The following SP4 variants were observed in gnomAD, a reference collection of about 807,000 sequenced individuals.
SP4 encodes the protein Sp4 transcription factor, also known as transcription factor Sp4.
A neutral mutation model predicts 72.8 loss-of-function variants in SP4; 19 were observed. That is an observed-to-expected ratio of 0.26 (90% CI 0.18 to 0.38). The LOEUF (loss-of-function observed/expected upper bound fraction) is 0.38, where lower values mean the gene tolerates loss of function less well. Ranked by LOEUF, SP4 falls within the 10% of genes least tolerant of loss-of-function variation. The pLI is 1.00. For missense variants in SP4, 1,008 were observed against 926.3 expected (o/e 1.09, Z -1.14); for synonymous variants, 395 against 333.1 (o/e 1.19, Z -2.02).
At chr7:21,488,676 C>T (rs1281606209) in intron 5 of SP4, among the ~76,000 whole-genome samples, 1 of 151,666 alleles carries the variant, frequency 6.6e-6, no homozygotes, top group African/African-American at 2.4e-5. Flanking sequence ...GGGAGAACTG[C>T]TTGTGCTAGG....
intron 5 of SP4, among the ~76,000 whole-genome samples, chr7:21,506,221 G>C (rs75528920): frequency 0.017 from 2,550 of 152,148 alleles, 55 homozygotes; most frequent in East Asian, 0.08. Context: ...GAGTTCTGTA[G>C]CCCTTGGTTG....
chr7:21,466,579 G>A (rs1198969830), intron 3 of SP4, among the ~76,000 whole-genome samples: 1 of 152,074 alleles, frequency 6.6e-6, no homozygotes, highest in Non-Finnish European at 1.5e-5. Context: ...CTCAATATTG[G>A]TTCACAGATT....
At chr7:21,486,932 T>C (rs1784830426) in intron 5 of SP4, among the ~76,000 whole-genome samples, 1 of 152,228 alleles carries the variant, frequency 6.6e-6, no homozygotes, top group Non-Finnish European at 1.5e-5. Flanking sequence ...AATAAAATAC[T>C]AAAGCTTCAC....
At chr7:21,478,786 C>G (rs944401503) in intron 4 of SP4, among the ~76,000 whole-genome samples, 1 of 151,970 alleles carries the variant, frequency 6.6e-6, no homozygotes, top group South Asian at 2.1e-4. Flanking sequence ...ATATTGTCTC[C>G]TGGCTGGGCG....
rs1014681870 is a variant in SP4 at position 21,512,232 on chromosome 7, T to G, written c.*963T>G. On this transcript the variant is annotated 3_prime_UTR_variant, in exon 6 of 6. Transcript: ENST00000222584. ...GTGCAGAATTCTTTATGCTTTGATG[T>G]GGTAGCCAAAGAAAGAATTACACTT... 2.6e-5 allele frequency: 4 copies of G among 152,626 alleles called. No individual in the cohort carries two copies. Among genetic ancestry groups the G allele is most frequent in the African/African-American group, 9.7e-5 (4 of 41,444 alleles). The allele number at this position is 152,626 out of a possible 1,614,324, so 9.5% of individuals were successfully genotyped here. A position where few individuals can be genotyped will look rare whatever the true frequency, so the allele number is the denominator to read the frequency against.
chr7:21,479,253 G>T (rs756179661), intron 4 of SP4, among the ~76,000 whole-genome samples: 15 of 146,042 alleles, frequency 1.0e-4, no homozygotes, highest in Non-Finnish European at 2.1e-4. Flanking sequence ...AAGTCATTAA[G>T]ATTCCTAGTT....
At chr7:21,439,951 C>T (rs376004136) in intron 3 of SP4, among the ~76,000 whole-genome samples, 1 of 152,074 alleles carries the variant, frequency 6.6e-6, no homozygotes, top group East Asian at 1.9e-4. Flanking sequence ...AAGAATCTTT[C>T]GAATAGAAAA....
At chr7:21,495,406 AAC>A (rs1254763667) in intron 5 of SP4, among the ~76,000 whole-genome samples, 2 of 151,930 alleles carry the variant, frequency 1.3e-5, no homozygotes, top group African/African-American at 4.8e-5. Context: ...AAACAAATTT[AAC>A]AGTTTTTTTT....
intron 3 of SP4, among the ~76,000 whole-genome samples, chr7:21,435,187 T>A (rs1028461818): frequency 6.6e-6 from 1 of 152,202 alleles, no homozygotes; most frequent in Non-Finnish European, 1.5e-5. Flanking sequence ...GAATGAATAT[T>A]TCTTTGTCAA....
intron 5 of SP4, among the ~76,000 whole-genome samples, chr7:21,500,928 G>A (rs929210222): frequency 6.6e-6 from 1 of 152,160 alleles, no homozygotes; most frequent in East Asian, 1.9e-4. Context: ...TGCACTTGGA[G>A]ACACAAAGAA....
chr7:21,459,073 T>A (rs573729469), intron 3 of SP4, among the ~76,000 whole-genome samples: 1 of 152,132 alleles, frequency 6.6e-6, no homozygotes, highest in East Asian at 1.9e-4. Context: ...TAGACTGATT[T>A]AAACTTCTAT....
At chr7:21,448,303 G>A (rs900955272) in intron 3 of SP4, among the ~76,000 whole-genome samples, 1 of 152,110 alleles carries the variant, frequency 6.6e-6, no homozygotes, top group Non-Finnish European at 1.5e-5. Flanking sequence ...TAGTACCACT[G>A]GCAAGTACTC....
chr7:21,429,270 A>G lies in SP4; in HGVS notation c.124-19A>G. On this transcript the variant is annotated intron_variant, in intron 2 of 5. Transcript: ENST00000222584. ...TTTTTTTCCCCCCCCCCTCTCCTTT[A>G]CCGTCCCATTTTGGGTAGGACTCTC... is the stretch of plus-strand genomic sequence containing the variant. 9.2e-7 allele frequency: 1 copy of G among 1,091,980 alleles called. No individual in the cohort carries two copies. The highest frequency in any genetic ancestry group is 1.3e-6 in the Non-Finnish European group (1 of 755,028). 67.6% of individuals were successfully genotyped at this position (1,091,980 alleles called of 1,614,324 possible).
chr7:21,440,447 T>C (rs1458306399), intron 3 of SP4, among the ~76,000 whole-genome samples: 1 of 152,170 alleles, frequency 6.6e-6, no homozygotes, highest in Non-Finnish European at 1.5e-5. Context: ...TTGAGTTATA[T>C]GTCAGAGGTA....
chr7:21,429,353 A>C lies in SP4; in HGVS notation c.188A>C (p.Glu63Ala). 6.2e-7 allele frequency: 1 copy of C among 1,613,782 alleles called. No individual in the cohort carries two copies. The highest frequency in any genetic ancestry group is 8.5e-7 in the Non-Finnish European group (1 of 1,179,904). The stretch of plus-strand genomic sequence containing the variant: ...TGCAGCAAAATAGGGACTCCTGGTG[A>C]AAATCAAGCAACTGGACAACAACAA... ...ATCSKIGTPG[E>A]NQATGQQQII... is the part of the protein sequence containing the mutation. Residue 63 changes from glutamate (E) to alanine (A), a missense_variant, in exon 3 of 6, where the codon GAA (glutamate) becomes GCA (alanine). Physicochemically the swap from Glu to Ala is moderately radical, Grantham distance 107. Coordinates refer to ENST00000222584, the MANE Select transcript of SP4 (RefSeq NM_003112.5).
chr7:21,461,648 G>A (rs1583408345), intron 3 of SP4, among the ~76,000 whole-genome samples: 1 of 152,168 alleles, frequency 6.6e-6, no homozygotes, highest in East Asian at 1.9e-4. Flanking sequence ...CCCGCAAGCC[G>A]AGGGAGCCAG....
chr7:21,482,409 A>C (rs1273072036), intron 5 of SP4, among the ~76,000 whole-genome samples: 2 of 151,976 alleles, frequency 1.3e-5, no homozygotes, highest in Non-Finnish European at 2.9e-5. Context: ...ATTGTTTTTC[A>C]TAAGTGTTTA....
intron 3 of SP4, among the ~76,000 whole-genome samples, chr7:21,469,257 A>G (rs1784257033): frequency 6.6e-6 from 1 of 152,194 alleles, no homozygotes; most frequent in East Asian, 1.9e-4. Context: ...GAATTTTTAT[A>G]TAGTAAAGTT....
Position 21,429,577 on chromosome 7 carries a change from A to G in SP4, c.412A>G (p.Thr138Ala), listed in dbSNP as rs769900450. 8 of 1,614,104 alleles carry G rather than the reference A, an allele frequency of 5.0e-6. No individual in the cohort carries two copies. Among genetic ancestry groups the G allele is most frequent in the East Asian group, 4.5e-5 (2 of 44,898 alleles). The change falls in exon 3 of 6, where the codon ACA (threonine) becomes GCA (alanine). Residue 138 changes from threonine to alanine, a missense_variant. This residue lies in a region of SP4 where 893 missense variants were observed against 743.3 expected (regional missense o/e 1.20). Coordinates refer to ENST00000222584, the MANE Select transcript of SP4 (RefSeq NM_003112.5). Reference protein sequence around the residue: ...SSSNNGSASPTKTKSGNSSTP... With the variant: ...SSSNNGSASPAKTKSGNSSTP... Reference sequence around the variant, plus strand: ...CAGTAATAACGGGAGTGCATCTCCTACAAAAACTAAATCAGGTAATTCTTC... The same window carrying G: ...CAGTAATAACGGGAGTGCATCTCCTGCAAAAACTAAATCAGGTAATTCTTC...
Sources: gnomAD v4.1 joint callset for allele counts (sites outside exome capture counted in the v4.1 genomes callset) on GRCh38, gnomAD v4.1.1 for gene constraint, gnomAD v4.1.1 regional missense constraint, MANE v1.5 for transcripts, NCBI Gene and HGNC (gene_info 2026-07-23, HGNC 2026-07-21) for gene names.